The following KIF6 variants were observed in gnomAD, a reference collection of about 807,000 sequenced individuals.
KIF6 encodes the protein kinesin-like protein KIF6.
In KIF6, 106 loss-of-function variants were observed where a neutral mutation model predicts 112.7. That is an observed-to-expected ratio of 0.94 (90% CI 0.80 to 1.11). KIF6 has a LOEUF of 1.11. KIF6 is among the 50% of genes least tolerant of loss of function. KIF6 has a pLI of 0.00. For synonymous variants in KIF6, 339 were observed against 339.9 expected (o/e 1.00, Z 0.03); for missense variants, 929 against 964.0 (o/e 0.96, Z 0.48).
Position 39,418,253 on chromosome 6 carries a change from G to A in KIF6, c.1810+1695C>T, listed in dbSNP as rs549270364. On this transcript the variant is annotated intron_variant, in intron 15 of 22. Coordinates refer to ENST00000287152, the MANE Select transcript of KIF6 (RefSeq NM_145027.6). ...TAGGATGTTCAGGAATCCAGGTCAAGAAAGGGGTTTGAAATCTTTTTTTGT... is the reference window on the plus strand; with the variant it reads ...TAGGATGTTCAGGAATCCAGGTCAAAAAAGGGGTTTGAAATCTTTTTTTGT... Among the ~76,000 whole-genome samples, 322 of 152,290 alleles carry A rather than the reference G, an allele frequency of 2.1e-3. 2 individuals carry two copies. Among genetic ancestry groups the A allele is most frequent in the African/African-American group, 7.2e-3 (298 of 41,560 alleles).
Position 39,500,304 on chromosome 6 carries a change from G to T in KIF6, c.1645+39699C>A, listed in dbSNP as rs566089497. Reference sequence around the variant, plus strand: ...GAGAAATTATTAAACGGAAAGACAGGTACACTTCACATCGGGAAAAGAAAG... The same window carrying T: ...GAGAAATTATTAAACGGAAAGACAGTTACACTTCACATCGGGAAAAGAAAG... On this transcript the variant is annotated intron_variant, in intron 13 of 22. Transcript: ENST00000287152. Among the ~76,000 whole-genome samples, 8 of 152,264 alleles carry T rather than the reference G, an allele frequency of 5.3e-5. No individual in the cohort carries two copies. In the South Asian group the frequency reaches 1.7e-3, roughly 32 times the overall value.
At chr6:39,599,174 C>G (rs1782446072) in intron 6 of KIF6, among the ~76,000 whole-genome samples, 2 of 152,124 alleles carry the variant, frequency 1.3e-5, no homozygotes, top group African/African-American at 2.4e-5. Flanking sequence ...AGAAATTAAT[C>G]TGATTCAAGA....
chr6:39,493,646 T>C (rs764850778), intron 13 of KIF6, among the ~76,000 whole-genome samples: 4 of 152,260 alleles, frequency 2.6e-5, no homozygotes, highest in Non-Finnish European at 5.9e-5. Flanking sequence ...ATTTATGCCA[T>C]ACACTTTGTG....
At chr6:39,584,019 A>G (rs890585095) in intron 9 of KIF6, among the ~76,000 whole-genome samples, 1 of 152,176 alleles carries the variant, frequency 6.6e-6, no homozygotes, top group African/African-American at 2.4e-5. Context: ...GATCAAGCCA[A>G]TAATGAATTT....
At chr6:39,703,518 TAA>T (rs1789005711) in intron 3 of KIF6, among the ~76,000 whole-genome samples, 1 of 152,164 alleles carries the variant, frequency 6.6e-6, no homozygotes, top group Non-Finnish European at 1.5e-5. Flanking sequence ...AAGCTTTATA[TAA>T]AATAATATAT....
intron 3 of KIF6, among the ~76,000 whole-genome samples, chr6:39,659,099 C>T (rs1163040327): frequency 1.3e-5 from 2 of 152,146 alleles, no homozygotes; most frequent in East Asian, 3.9e-4. Flanking sequence ...CCAATAAATC[C>T]TTTGTGCTGA....
chr6:39,687,967 T>C (rs186874797), intron 3 of KIF6, among the ~76,000 whole-genome samples: 17 of 152,332 alleles, frequency 1.1e-4, no homozygotes, highest in African/African-American at 2.6e-4. Context: ...TGTGTGTATA[T>C]ACAGGGGAAC....
intron 10 of KIF6, among the ~76,000 whole-genome samples, chr6:39,574,540 C>A (rs1342199507): frequency 6.6e-6 from 1 of 152,140 alleles, no homozygotes; most frequent in Non-Finnish European, 1.5e-5. Context: ...TGCTCTAAAT[C>A]AGATTATTGA....
At chr6:39,340,250 T>G (rs888299666) in intron 22 of KIF6, among the ~76,000 whole-genome samples, 22 of 152,210 alleles carry the variant, frequency 1.4e-4, no homozygotes, top group African/African-American at 5.3e-4. Context: ...AAAATTGAGC[T>G]GTGGAAGTTT....
At chr6:39,679,970 A>G (rs899341261) in intron 3 of KIF6, among the ~76,000 whole-genome samples, 2 of 150,604 alleles carry the variant, frequency 1.3e-5, no homozygotes, top group African/African-American at 4.9e-5. Context: ...GTATATCTTA[A>G]AAGTTCTGGC....
chr6:39,474,454 T>C (rs1774307905), intron 13 of KIF6, among the ~76,000 whole-genome samples: 2 of 152,374 alleles, frequency 1.3e-5, no homozygotes, highest in South Asian at 4.1e-4. Context: ...TAATTGCAGG[T>C]ATGCAGTAAC....
intron 15 of KIF6, among the ~76,000 whole-genome samples, chr6:39,390,390 T>C (rs1172861019): frequency 6.6e-6 from 1 of 152,058 alleles, no homozygotes; most frequent in Non-Finnish European, 1.5e-5. Flanking sequence ...AAGGAGACAT[T>C]GGGAAAGGCA....
intron 13 of KIF6, among the ~76,000 whole-genome samples, chr6:39,502,794 A>C (rs530680191): frequency 6.6e-6 from 1 of 152,360 alleles, no homozygotes; most frequent in East Asian, 1.9e-4. Flanking sequence ...AGAAGATCCA[A>C]CTATACTAAA....
intron 13 of KIF6, among the ~76,000 whole-genome samples, chr6:39,501,051 G>A (rs146736467): frequency 1.3e-5 from 2 of 152,222 alleles, no homozygotes; most frequent in African/African-American, 4.8e-5. Flanking sequence ...TGTTGCATTG[G>A]GACTGATCAG....
At chr6:39,501,023 C>T (rs549940663) in intron 13 of KIF6, among the ~76,000 whole-genome samples, 1 of 152,102 alleles carries the variant, frequency 6.6e-6, no homozygotes, top group Non-Finnish European at 1.5e-5. Context: ...ACAGCACCTT[C>T]AACTGAAATA....
intron 13 of KIF6, among the ~76,000 whole-genome samples, chr6:39,442,944 T>C (rs1028809398): frequency 6.6e-6 from 1 of 151,746 alleles, no homozygotes; most frequent in African/African-American, 2.4e-5. Context: ...AAACCTCGTC[T>C]CTACTAAAAA....
intron 3 of KIF6, among the ~76,000 whole-genome samples, chr6:39,673,627 T>C (rs1234610797): frequency 6.6e-6 from 1 of 152,158 alleles, no homozygotes; most frequent in African/African-American, 2.4e-5. Context: ...ATGGGAAATA[T>C]TTAGGAGGTT....
At chr6:39,662,490 AAG>A (rs1786209631) in intron 3 of KIF6, among the ~76,000 whole-genome samples, 2 of 152,230 alleles carry the variant, frequency 1.3e-5, no homozygotes, top group Non-Finnish European at 2.9e-5. Context: ...TAACAAATGA[AAG>A]AGACTATTCT....
rs1289532133 is a variant in KIF6 at position 39,360,382 on chromosome 6, C to T, written c.2082+13G>A. 1.2e-6 allele frequency: 2 copies of T among 1,613,816 alleles called. No individual in the cohort carries two copies. The highest frequency in any genetic ancestry group is 1.1e-5 in the South Asian group (1 of 91,040). ...GCCCCTCCCCAGCTTCCCTGATGTT[C>T]CCCAGGCCATACCTGCAGGTTGGTG... On this transcript the variant is annotated intron_variant, in intron 18 of 22. Coordinates refer to ENST00000287152, the MANE Select transcript of KIF6 (RefSeq NM_145027.6).
Sources: gnomAD v4.1 joint callset for allele counts (sites outside exome capture counted in the v4.1 genomes callset) on GRCh38, gnomAD v4.1.1 for gene constraint, MANE v1.5 for transcripts, NCBI Gene and HGNC (gene_info 2026-07-23, HGNC 2026-07-21) for gene names.